The following RIMS2 variants were observed in gnomAD, a reference collection of about 807,000 sequenced individuals.
RIMS2 encodes regulating synaptic membrane exocytosis 2.
A neutral mutation model predicts 174.4 loss-of-function variants in RIMS2; 59 were observed. The ratio of observed to expected loss-of-function variants is 0.34; its 90% confidence interval spans 0.27 to 0.42. RIMS2 has a LOEUF of 0.42. Among genes scored for constraint, RIMS2 ranks in the 10% least tolerant of loss-of-function variants. RIMS2 has a pLI of 1.00. For synonymous variants in RIMS2, 606 were observed against 572.5 expected, an observed-to-expected ratio of 1.06 and a Z score of -0.84; for missense variants, 1,620 against 1,666.3, an observed-to-expected ratio of 0.97 and a Z score of 0.48.
chr8:103,849,365 T>C (rs550238801), intron 3 of RIMS2, among the ~76,000 whole-genome samples: 1 of 152,142 alleles, frequency 6.6e-6, no homozygotes, highest in African/African-American at 2.4e-5. Context: ...CATGAGTTAA[T>C]GAAGGAATGT....
intron 16 of RIMS2, among the ~76,000 whole-genome samples, chr8:103,987,685 A>G (rs2094452850): frequency 6.6e-6 from 1 of 152,178 alleles, no homozygotes; most frequent in Non-Finnish European, 1.5e-5. Flanking sequence ...AGAGATGAAA[A>G]CCATCATTAT....
At chr8:104,239,927 C>T (rs1588093480) in intron 19 of RIMS2, among the ~76,000 whole-genome samples, 2 of 152,238 alleles carry the variant, frequency 1.3e-5, no homozygotes, top group South Asian at 2.1e-4. Context: ...AAGGCCCTTT[C>T]GGTAGTGGAC....
intron 19 of RIMS2, among the ~76,000 whole-genome samples, chr8:104,166,417 C>T (rs1313032372): frequency 6.6e-6 from 1 of 151,974 alleles, no homozygotes; most frequent in Non-Finnish European, 1.5e-5. Context: ...AAGAATAAGT[C>T]ATATTTCAAT....
chr8:103,584,584 G>C (rs1700133287), intron 1 of RIMS2, among the ~76,000 whole-genome samples: 4 of 152,202 alleles, frequency 2.6e-5, no homozygotes, highest in African/African-American at 9.6e-5. Context: ...TTTAAAATGG[G>C]GGAGGATGAA....
intron 2 of RIMS2, among the ~76,000 whole-genome samples, chr8:103,729,319 A>G (rs1004232056): frequency 1.3e-5 from 2 of 152,044 alleles, no homozygotes; most frequent in Non-Finnish European, 2.9e-5. Flanking sequence ...GTATGTGTCT[A>G]TGAATTTATC....
chr8:103,529,783 C>T (rs140110433), intron 1 of RIMS2, among the ~76,000 whole-genome samples: 1 of 152,324 alleles, frequency 6.6e-6, no homozygotes, highest in African/African-American at 2.4e-5. Flanking sequence ...TTTATATAAT[C>T]TTTAGATTGC....
chr8:104,156,903 A>T (rs1481545452), intron 19 of RIMS2, among the ~76,000 whole-genome samples: 1 of 152,214 alleles, frequency 6.6e-6, no homozygotes, highest in Non-Finnish European at 1.5e-5. Context: ...TACATTAAAT[A>T]CAGTAATATC....
chr8:103,827,789 C>A (rs577524509), intron 3 of RIMS2, among the ~76,000 whole-genome samples: 20 of 151,908 alleles, frequency 1.3e-4, no homozygotes, highest in Admixed American at 6.6e-4. Flanking sequence ...GAGCTGAGAT[C>A]GTGCCACTGT....
chr8:103,719,972 T>C (rs1327535138), intron 2 of RIMS2, among the ~76,000 whole-genome samples: 3 of 152,208 alleles, frequency 2.0e-5, no homozygotes, highest in Non-Finnish European at 4.4e-5. Context: ...TCTTAGGATA[T>C]TGGTATCTCT....
chr8:103,998,067 A>T (rs995218636), intron 17 of RIMS2: 4 of 686,510 alleles, frequency 5.8e-6, no homozygotes, highest in African/African-American at 5.5e-5. Context: ...AACAGTTTCC[A>T]TGTGCTTTGC....
chr8:104,219,819 A>G (rs2511567), intron 19 of RIMS2, among the ~76,000 whole-genome samples: 28,439 of 152,096 alleles, frequency 0.19, 2,909 homozygotes, highest in Non-Finnish European at 0.23. Context: ...CTTGAGAACT[A>G]CATCCAAAAC....
At chr8:104,099,081 A>T (rs1434166868) in intron 19 of RIMS2, among the ~76,000 whole-genome samples, 1 of 152,184 alleles carries the variant, frequency 6.6e-6, no homozygotes, top group Non-Finnish European at 1.5e-5. Context: ...CAGGAAAGTG[A>T]GCATTGCCTG....
chr8:103,761,127 T>C (rs1271259684), intron 2 of RIMS2, among the ~76,000 whole-genome samples: 2 of 152,214 alleles, frequency 1.3e-5, no homozygotes, highest in Non-Finnish European at 2.9e-5. Context: ...TTATTTAGTC[T>C]AAATACATCC....
chr8:104,097,578 A>G (rs2097783883), intron 19 of RIMS2, among the ~76,000 whole-genome samples: 1 of 151,550 alleles, frequency 6.6e-6, no homozygotes, highest in Non-Finnish European at 1.5e-5. Flanking sequence ...TAGTAGCATC[A>G]CCAGAACACC....
chr8:103,634,002 C>T (rs1479927176), intron 1 of RIMS2, among the ~76,000 whole-genome samples: 1 of 151,996 alleles, frequency 6.6e-6, no homozygotes, highest in South Asian at 2.1e-4. Flanking sequence ...AATAATTTTT[C>T]GTGTCTTGAT....
At chr8:104,253,550 TCTC>T (rs1409038688), downstream of RIMS2, 9 of 152,150 alleles carry the variant, frequency 5.9e-5, no homozygotes, top group Admixed American at 5.9e-4. Context: ...TATGTGAAAA[TCTC>T]CTAAAGTCAA....
At chr8:104,247,082 G>A (rs1157415610) in intron 20 of RIMS2, among the ~76,000 whole-genome samples, 2 of 152,156 alleles carry the variant, frequency 1.3e-5, no homozygotes. Flanking sequence ...CTAGGGAATG[G>A]TGGCTTGGAC....
At chr8:103,810,206 G>T (rs1181998578) in intron 3 of RIMS2, among the ~76,000 whole-genome samples, 1 of 152,110 alleles carries the variant, frequency 6.6e-6, no homozygotes, top group Non-Finnish European at 1.5e-5. Flanking sequence ...GTTCCCATTA[G>T]AATCACCATT....
chr8:103,580,825 C>CTTTTTTTTTTT (rs61559970), intron 1 of RIMS2, among the ~76,000 whole-genome samples: 3 of 113,458 alleles, frequency 2.6e-5, no homozygotes, highest in African/African-American at 3.5e-5. Flanking sequence ...AAAGGGAATA[C>CTTTTTTTTTTT]TTTTTTTTTT....
Sources: allele counts gnomAD v4.1 joint callset (sites outside exome capture counted in the v4.1 genomes callset), GRCh38; gene constraint gnomAD v4.1.1; transcripts MANE v1.5; gene names NCBI Gene and HGNC (gene_info 2026-07-23, HGNC 2026-07-21).